The following URI1 variants were observed in gnomAD, a reference collection of about 807,000 sequenced individuals.
URI1 encodes the protein URI1 prefoldin like chaperone, also known as unconventional prefoldin RPB5 interactor 1.
URI1 carries 39 observed loss-of-function variants against 60.2 expected under a neutral mutation model. The observed-to-expected ratio is 0.65, with a 90% CI of 0.50 to 0.85. URI1 has a LOEUF of 0.85. URI1 is among the 40% of genes least tolerant of loss of function. The pLI, the probability that URI1 is intolerant of heterozygous loss-of-function variation, is 0.00. For missense variants in URI1, 691 were observed against 665.9 expected, an observed-to-expected ratio of 1.04 and a Z score of -0.42; for synonymous variants, 251 against 236.8, an observed-to-expected ratio of 1.06 and a Z score of -0.55.
intron 2 of URI1, chr19:29,980,335 T>A (rs902961600): frequency 1.3e-5 from 2 of 152,068 alleles, no homozygotes; most frequent in Non-Finnish European, 1.5e-5. Context: ...GAAACAAGTC[T>A]TTTTTGGATG....
intron 1 of URI1, among the ~76,000 whole-genome samples, chr19:29,944,775 A>G (rs977001385): frequency 9.2e-5 from 14 of 152,202 alleles, no homozygotes; most frequent in East Asian, 5.8e-4. Flanking sequence ...TATTTAATCT[A>G]TCTTTATTTA....
intron 2 of URI1, among the ~76,000 whole-genome samples, chr19:29,980,710 G>T (rs960001287): frequency 2.0e-5 from 3 of 146,774 alleles, no homozygotes; most frequent in African/African-American, 7.5e-5. Context: ...AGATCACAAG[G>T]TCAGGGTTCG....
At chr19:30,006,650 C>T (rs1289286685) in intron 6 of URI1, among the ~76,000 whole-genome samples, 1 of 152,022 alleles carries the variant, frequency 6.6e-6, no homozygotes, top group Non-Finnish European at 1.5e-5. Flanking sequence ...CAGATGTATG[C>T]AACAATGCAG....
chr19:30,005,887 G>A (rs2055936221), intron 6 of URI1, among the ~76,000 whole-genome samples, 179 bp downstream of exon 6: 1 of 151,736 alleles, frequency 6.6e-6, no homozygotes, highest in African/African-American at 2.4e-5. Flanking sequence ...AATAACTTTT[G>A]GTTAAAAATG....
intron 4 of URI1, among the ~76,000 whole-genome samples, chr19:29,999,140 G>T (rs754273741): frequency 7.9e-5 from 12 of 151,666 alleles, no homozygotes; most frequent in Admixed American, 7.2e-4. Flanking sequence ...TATATATTGT[G>T]TCTCCATTAA....
chr19:29,950,951 GAAAC>G (rs1312636125), intron 1 of URI1, among the ~76,000 whole-genome samples: 2 of 152,148 alleles, frequency 1.3e-5, no homozygotes, highest in African/African-American at 4.8e-5. Context: ...TAATCATGAA[GAAAC>G]AAACATTTTT....
intron 6 of URI1, among the ~76,000 whole-genome samples, chr19:30,005,945 C>T (rs1420249195): frequency 6.6e-6 from 1 of 151,892 alleles, no homozygotes; most frequent in Non-Finnish European, 1.5e-5. Flanking sequence ...TGGCTTTTTT[C>T]TCCCAAAGTT....
chr19:29,967,665 G>T (rs749694337), intron 1 of URI1, among the ~76,000 whole-genome samples: 2 of 152,224 alleles, frequency 1.3e-5, no homozygotes, highest in Admixed American at 1.3e-4. Flanking sequence ...TTTTAAGACT[G>T]CAGCTGTAAC....
chr19:30,006,912 A>G (rs982272938), intron 6 of URI1, among the ~76,000 whole-genome samples: 1 of 152,116 alleles, frequency 6.6e-6, no homozygotes, highest in Non-Finnish European at 1.5e-5. Context: ...AGAGATGTTC[A>G]TATGTAAAAT....
chr19:29,971,147 T>G (rs776428130), intron 1 of URI1, 46 bp from the exon 2 acceptor site: 2 of 1,596,172 alleles, frequency 1.3e-6, no homozygotes, highest in Non-Finnish European at 1.7e-6. Context: ...TGTAGCTCTG[T>G]GCATAGCTCT....
At chr19:29,954,109 G>A (rs1304331300) in intron 1 of URI1, among the ~76,000 whole-genome samples, 5 of 152,110 alleles carry the variant, frequency 3.3e-5, no homozygotes, top group African/African-American at 1.2e-4. Context: ...TGAAAACCTT[G>A]GTTCTCAACA....
At position 29,942,411 on chromosome 19, in the gene URI1, G is replaced by A. The variant is rs2055038764; in HGVS notation, c.-137G>A. 10 of 982,576 alleles carry A rather than the reference G, an allele frequency of 1.0e-5. No homozygotes were observed. The highest frequency in any genetic ancestry group is 1.2e-5 in the Non-Finnish European group (10 of 828,748). 60.9% of individuals were successfully genotyped at this position (982,576 alleles called of 1,614,324 possible). ...CGCGGACGCGAACAGCAGCGGCGGC[G>A]GCGGGCGCGGCCTCCTGGGCGCGGG... On this transcript the variant is annotated 5_prime_UTR_variant, in exon 1 of 11. Coordinates refer to ENST00000392271, the MANE Select transcript of URI1 (RefSeq NM_003796.3).
At chr19:29,968,064 G>A (rs911986321) in intron 1 of URI1, among the ~76,000 whole-genome samples, 1 of 152,198 alleles carries the variant, frequency 6.6e-6, no homozygotes, top group African/African-American at 2.4e-5. Context: ...TCAGCTCATA[G>A]TTCTTTTTCT....
intron 1 of URI1, chr19:29,956,265 G>A: frequency 2.9e-6 from 2 of 690,014 alleles, no homozygotes; most frequent in South Asian, 2.1e-5. Flanking sequence ...CATGAGCCAC[G>A]GCGCCTGGCC....
chr19:29,961,865 A>G (rs1480893227), intron 1 of URI1, among the ~76,000 whole-genome samples: 1 of 151,768 alleles, frequency 6.6e-6, no homozygotes, highest in Non-Finnish European at 1.5e-5. Context: ...TTTTGTGTTT[A>G]GTAGAGTTGG....
chr19:29,949,324 G>A (rs868617867), intron 1 of URI1, among the ~76,000 whole-genome samples: 57 of 151,566 alleles, frequency 3.8e-4, no homozygotes, highest in Middle Eastern at 3.4e-3. Context: ...GCGGCGGGGC[G>A]GAGGTGCTCC....
At chr19:29,957,126 T>C (rs1295460371) in intron 1 of URI1, 1 of 429,628 alleles carries the variant, frequency 2.3e-6, no homozygotes, top group Non-Finnish European at 4.2e-6. Context: ...AGAAATACAA[T>C]TTATGTTTTG....
rs549072709 is a variant in URI1 at position 30,005,190 on chromosome 19, A to G, written c.368-171A>G. Among the ~76,000 whole-genome samples the G allele has an allele frequency of 1.1e-3, 165 of 152,200 alleles. 1 individual carries two copies. The highest frequency in any genetic ancestry group is 3.9e-3 in the African/African-American group (160 of 41,552). On this transcript the variant is annotated intron_variant, in intron 4 of 10. Coordinates refer to ENST00000392271, the MANE Select transcript of URI1 (RefSeq NM_003796.3). ...AGTAATGTGCTATATATATAGCACAAAAATACACAGTATAACTTATTAAAA... is the reference window on the plus strand; with the variant it reads ...AGTAATGTGCTATATATATAGCACAGAAATACACAGTATAACTTATTAAAA...
At chr19:29,980,751 G>A (rs34382660) in intron 2 of URI1, among the ~76,000 whole-genome samples, 126,897 of 150,838 alleles carry the variant, frequency 0.84, 53,922 homozygotes, top group Non-Finnish European at 0.9. Context: ...GTGAAACCCC[G>A]TCTCTACTAA....
Sources: allele counts gnomAD v4.1 joint callset (sites outside exome capture counted in the v4.1 genomes callset), GRCh38; gene constraint gnomAD v4.1.1; transcripts MANE v1.5; gene names NCBI Gene and HGNC (gene_info 2026-07-23, HGNC 2026-07-21).